MMP16: variants seen among roughly 807,000 people sequenced by gnomAD.
MMP16 encodes matrix metallopeptidase 16.
A neutral mutation model predicts 67.8 loss-of-function variants in MMP16; 12 were observed. The observed-to-expected ratio is 0.18, with a 90% CI of 0.11 to 0.29. The LOEUF (loss-of-function observed/expected upper bound fraction) is 0.29. Among genes scored for constraint, MMP16 ranks in the 10% least tolerant of loss-of-function variants. The pLI, the probability that MMP16 is intolerant of heterozygous loss-of-function variation, is 1.00. For synonymous variants in MMP16, 249 were observed against 255.9 expected (o/e 0.97, Z 0.26); for missense variants, 475 against 765.7 (o/e 0.62, Z 4.48).
Position 88,116,611 on chromosome 8 carries a change from G to C in MMP16, c.979C>G (p.Arg327Gly). ...PRKNDRPKPPRPPTGRPSYPG... is the reference protein window; with the variant it reads ...PRKNDRPKPPGPPTGRPSYPG... Reference sequence around the variant, plus strand: ...TAGGAGGGTCTGCCGGTTGGAGGCCGAGGAGGTTTTGGCCTGTCATTTTTC... The same window carrying C: ...TAGGAGGGTCTGCCGGTTGGAGGCCCAGGAGGTTTTGGCCTGTCATTTTTC... Residue 327 changes from arginine to glycine, a missense_variant, in exon 6 of 10, where the codon CGG (arginine) becomes GGG (glycine). Arg to Gly is a moderately radical substitution (Grantham distance 125). Around this residue, in one of 5 missense-constraint regions of MMP16, gnomAD observed 195 missense variants for 300.9 expected, o/e 0.65. Coordinates refer to ENST00000286614, the MANE Select transcript of MMP16 (RefSeq NM_005941.5). The C allele has an allele frequency of 6.2e-7, 1 of 1,613,870 alleles. No individual in the cohort carries two copies. Among genetic ancestry groups the C allele is most frequent in the Non-Finnish European group, 8.5e-7 (1 of 1,179,892 alleles).
intron 6 of MMP16, among the ~76,000 whole-genome samples, chr8:88,112,440 C>T (rs1586157563): frequency 6.6e-6 from 1 of 151,808 alleles, no homozygotes; most frequent in East Asian, 2.0e-4. Context: ...TTTGAACAAT[C>T]AGATCTTGCT....
At position 88,116,648 on chromosome 8, in the gene MMP16, C is replaced by A. The variant is rs750281570; in HGVS notation, c.942G>T (p.Pro314=). ...PTVPPHRSIP[P]ADPRKNDRPK... ...GCCTGTCATTTTTCCTTGGGTCAGC[C>A]GGAGGAATAGAGCGGTGTGGGGGCA... Residue 314 remains proline (P), a synonymous_variant, in exon 6 of 10, where the codon CCG becomes CCT. Coordinates refer to ENST00000286614, the MANE Select transcript of MMP16 (RefSeq NM_005941.5). The A allele has an allele frequency of 1.9e-6, 3 of 1,613,606 alleles. No individual in the cohort carries two copies. The highest frequency in any genetic ancestry group is 2.2e-5 in the East Asian group (1 of 44,814).
At chr8:88,051,867 C>A (rs1440030439) in intron 8 of MMP16, among the ~76,000 whole-genome samples, 2 of 151,970 alleles carry the variant, frequency 1.3e-5, no homozygotes, top group African/African-American at 4.8e-5. Context: ...GCATTTTAAG[C>A]TAAATGTTAT....
intron 1 of MMP16, among the ~76,000 whole-genome samples, chr8:88,257,938 C>A (rs1810328955): frequency 6.6e-6 from 1 of 152,064 alleles, no homozygotes; most frequent in Admixed American, 6.6e-5. Context: ...AAAATGCTTT[C>A]TAGGAACAGA....
At chr8:88,320,565 A>G (rs1811443039) in intron 1 of MMP16, among the ~76,000 whole-genome samples, 1 of 152,172 alleles carries the variant, frequency 6.6e-6, no homozygotes, top group African/African-American at 2.4e-5. Context: ...TTCATCAAAT[A>G]TGTAATCACT....
intron 6 of MMP16, among the ~76,000 whole-genome samples, chr8:88,075,569 A>G (rs575197710): frequency 1.4e-4 from 22 of 152,282 alleles, no homozygotes; most frequent in Middle Eastern, 6.8e-3. Flanking sequence ...AACCCAAAAA[A>G]GGATACATCT....
At chr8:88,121,480 AG>A (rs1807828093) in intron 4 of MMP16, among the ~76,000 whole-genome samples, 1 of 152,066 alleles carries the variant, frequency 6.6e-6, no homozygotes, top group African/African-American at 2.4e-5. Context: ...GAATTCCACT[AG>A]GAACAAAAGT....
chr8:88,148,873 A>G (rs1449039770), intron 4 of MMP16, among the ~76,000 whole-genome samples: 1 of 152,240 alleles, frequency 6.6e-6, no homozygotes, highest in African/African-American at 2.4e-5. Flanking sequence ...ATGGCCGAAT[A>G]GGAACAGCTC....
intron 7 of MMP16, among the ~76,000 whole-genome samples, chr8:88,061,371 T>C (rs1434973549): frequency 6.6e-6 from 1 of 152,096 alleles, no homozygotes; most frequent in Non-Finnish European, 1.5e-5. Flanking sequence ...CCCTTTCCTT[T>C]CATCTCCTTT....
chr8:88,075,750 T>C (rs1015905705), intron 6 of MMP16, among the ~76,000 whole-genome samples: 19 of 152,184 alleles, frequency 1.2e-4, no homozygotes, highest in African/African-American at 4.3e-4. Context: ...AAGTTAAGTA[T>C]ATCCACTATT....
intron 3 of MMP16, among the ~76,000 whole-genome samples, chr8:88,168,725 G>A (rs1176982275): frequency 6.6e-6 from 1 of 151,918 alleles, no homozygotes; most frequent in Non-Finnish European, 1.5e-5. Flanking sequence ...AATGGAACTA[G>A]TATTTGTATT....
At chr8:88,123,393 ATTTTCTTGTCT>A (rs1240809260) in intron 4 of MMP16, among the ~76,000 whole-genome samples, 2 of 151,376 alleles carry the variant, frequency 1.3e-5, no homozygotes, top group African/African-American at 4.9e-5. Flanking sequence ...TGTATCATCT[ATTTTCTTGTCT>A]CCTGTGTTTT....
intron 7 of MMP16, among the ~76,000 whole-genome samples, chr8:88,066,591 C>T (rs1360493109): frequency 2.6e-5 from 4 of 152,084 alleles, no homozygotes; most frequent in Non-Finnish European, 5.9e-5. Flanking sequence ...CACCAAATGG[C>T]TGACTTTCAG....
chr8:88,070,429 A>G (rs900743099), intron 7 of MMP16, among the ~76,000 whole-genome samples: 2 of 152,128 alleles, frequency 1.3e-5, no homozygotes, highest in Non-Finnish European at 2.9e-5. Flanking sequence ...AGCCGGTACT[A>G]TGGCCCTCCG....
chr8:88,150,818 C>A (rs199600999), intron 4 of MMP16, among the ~76,000 whole-genome samples: 8 of 150,530 alleles, frequency 5.3e-5, no homozygotes, highest in South Asian at 2.1e-4. Context: ...CGAGCAAAAT[C>A]ACCAGCTAAC....
chr8:88,241,500 T>C (rs1163515541), intron 1 of MMP16, among the ~76,000 whole-genome samples: 1 of 152,098 alleles, frequency 6.6e-6, no homozygotes, highest in Non-Finnish European at 1.5e-5. Context: ...GAGTTTCATA[T>C]GGTAAAAAAG....
intron 1 of MMP16, among the ~76,000 whole-genome samples, chr8:88,246,003 G>T (rs1390027882): frequency 2.0e-5 from 3 of 152,122 alleles, no homozygotes; most frequent in Non-Finnish European, 4.4e-5. Context: ...AAGCAAGCAA[G>T]AAATTCTCTG....
At position 88,041,347 on chromosome 8, in the gene MMP16, G is replaced by A. The variant is rs1039063161; in HGVS notation, c.*114C>T. 1.2e-5 allele frequency: 13 copies of A among 1,094,670 alleles called. No individual in the cohort carries two copies. The highest frequency in any genetic ancestry group is 2.1e-4 in the Middle Eastern group (1 of 4,780). The allele number at this position is 1,094,670 out of a possible 1,614,324, so 67.8% of individuals were successfully genotyped here. ...CCTCTGGGTTTGAAAGGTCAGCCCC[G>A]AATCAGGCTGCCACAAGCCTGCTCC... On this transcript the variant is annotated 3_prime_UTR_variant, in exon 10 of 10. Transcript: ENST00000286614. This position sits in a 1 kb window ranked among gnomAD's most constrained non-coding sequence, Gnocchi z 6.0.
chr8:88,318,370 T>C (rs910106378), intron 1 of MMP16, among the ~76,000 whole-genome samples: 1 of 152,324 alleles, frequency 6.6e-6, no homozygotes, highest in Non-Finnish European at 1.5e-5. Flanking sequence ...ACATAATCAA[T>C]CTTAAATCAA....
Sources: allele counts gnomAD v4.1 joint callset (sites outside exome capture counted in the v4.1 genomes callset), GRCh38; gene constraint gnomAD v4.1.1; regional missense constraint gnomAD v4.1.1; non-coding constraint Gnocchi (gnomAD v3.1); transcripts MANE v1.5; gene names NCBI Gene and HGNC (gene_info 2026-07-23, HGNC 2026-07-21).